Variants in PARM1 observed in about 807,000 individuals in gnomAD.
PARM1 encodes the protein WSC4, cell wall integrity and stress response component 4 homolog.
In PARM1, 14 loss-of-function variants were observed where a neutral mutation model predicts 24.6. That is an observed-to-expected ratio of 0.57 (90% CI 0.38 to 0.89). The LOEUF (loss-of-function observed/expected upper bound fraction) is 0.89. PARM1 is among the 40% of genes least tolerant of loss of function. The probability of loss-of-function intolerance (pLI) is 0.00; values close to 1 mark genes in which losing one functional copy is unlikely to be tolerated. For synonymous variants in PARM1, 179 were observed against 156.6 expected (o/e 1.14, Z -1.07); for missense variants, 362 against 380.4 (o/e 0.95, Z 0.40).
Position 75,012,661 on chromosome 4 carries a change from G to C in PARM1, c.280G>C (p.Gly94Arg). 6.2e-7 allele frequency: 1 copy of C among 1,613,986 alleles called. No individual in the cohort carries two copies. Among genetic ancestry groups the C allele is most frequent in the Non-Finnish European group, 8.5e-7 (1 of 1,179,882 alleles). Residue 94 changes from glycine (G) to arginine (R), a missense_variant, in exon 2 of 4, where the codon GGT becomes CGT. Gly to Arg is a moderately radical substitution (Grantham distance 125). Coordinates refer to ENST00000307428, the MANE Select transcript of PARM1 (RefSeq NM_015393.4). ...ESREEEITSP[G>R]SNWEGTNTDP... ...CAGAGAAGAGGAGATCACCAGCCCAGGTTCGAATTGGGAAGGCACAAACAC... is the reference window on the plus strand; with the variant it reads ...CAGAGAAGAGGAGATCACCAGCCCACGTTCGAATTGGGAAGGCACAAACAC...
intron 1 of PARM1, among the ~76,000 whole-genome samples, chr4:74,972,358 A>C (rs937043428): frequency 6.6e-6 from 1 of 152,204 alleles, no homozygotes; most frequent in Non-Finnish European, 1.5e-5. Context: ...ATATTCATTC[A>C]CTTAGTTTTG....
chr4:75,017,223 A>G (rs1366283314), intron 2 of PARM1, among the ~76,000 whole-genome samples: 3 of 152,272 alleles, frequency 2.0e-5, no homozygotes, highest in African/African-American at 7.2e-5. Flanking sequence ...AACTCAGAAC[A>G]GACTCCACTA....
At chr4:75,007,667 C>T (rs929637293) in intron 1 of PARM1, among the ~76,000 whole-genome samples, 9 of 152,038 alleles carry the variant, frequency 5.9e-5, no homozygotes, top group African/African-American at 1.9e-4. Flanking sequence ...TGCAGAGACA[C>T]GAGTTCTACA....
chr4:74,958,145 G>A (rs754637843), intron 1 of PARM1, among the ~76,000 whole-genome samples: 13 of 152,332 alleles, frequency 8.5e-5, no homozygotes, highest in Non-Finnish European at 1.3e-4. Flanking sequence ...CTAAAACTGC[G>A]TGTTCCAAGA....
chr4:75,026,239 A>G (rs1283049639), intron 2 of PARM1, among the ~76,000 whole-genome samples: 1 of 152,126 alleles, frequency 6.6e-6, no homozygotes, highest in Admixed American at 6.5e-5. Flanking sequence ...TTTGTGAATC[A>G]CTTACTTTGG....
chr4:74,958,712 C>T (rs1349833915), intron 1 of PARM1, among the ~76,000 whole-genome samples: 1 of 152,148 alleles, frequency 6.6e-6, no homozygotes. Flanking sequence ...GAATGTGGCT[C>T]TGAAGAACTT....
rs965726299 is a variant in PARM1 at position 75,047,927 on chromosome 4, T to G, written c.*1680T>G. On this transcript the variant is annotated 3_prime_UTR_variant, in exon 4 of 4. Coordinates refer to ENST00000307428, the MANE Select transcript of PARM1 (RefSeq NM_015393.4). The stretch of plus-strand genomic sequence containing the variant: ...CTCTGTCTTCTTGTAACAGCTGATA[T>G]TAGCAAGCAGCATCTTATGTCCTGA... 2 of 152,214 alleles carry G rather than the reference T, an allele frequency of 1.3e-5. No homozygotes were observed. Among genetic ancestry groups the G allele is most frequent in the African/African-American group, 4.8e-5 (2 of 41,462 alleles). The allele number at this position is 152,214 out of a possible 1,614,324, so 9.4% of individuals were successfully genotyped here. A position where few individuals can be genotyped will look rare whatever the true frequency, so the allele number is the denominator to read the frequency against.
At chr4:75,029,178 T>C (rs1723234233) in intron 2 of PARM1, among the ~76,000 whole-genome samples, 1 of 152,080 alleles carries the variant, frequency 6.6e-6, no homozygotes. Context: ...CCTCAGGGTA[T>C]AGAACAGAGC....
At chr4:74,961,272 T>A (rs1721768389) in intron 1 of PARM1, among the ~76,000 whole-genome samples, 1 of 151,382 alleles carries the variant, frequency 6.6e-6, no homozygotes, top group Non-Finnish European at 1.5e-5. Flanking sequence ...CAGAAAAAAA[T>A]ATCAAAGAAA....
intron 2 of PARM1, among the ~76,000 whole-genome samples, chr4:75,013,675 T>A (rs1722924456): frequency 6.6e-6 from 1 of 152,202 alleles, no homozygotes; most frequent in Admixed American, 6.5e-5. Context: ...TAAAGTAGTG[T>A]CTCCCTTTTG....
At chr4:74,955,795 A>G (rs1011859850) in intron 1 of PARM1, among the ~76,000 whole-genome samples, 3 of 152,232 alleles carry the variant, frequency 2.0e-5, no homozygotes, top group African/African-American at 4.8e-5. Context: ...GTCAGTAAAC[A>G]TAGAAGTCAG....
intron 1 of PARM1, 82 bp downstream of exon 1, chr4:74,933,452 G>C (rs995847365): frequency 3.2e-6 from 4 of 1,262,658 alleles, no homozygotes; most frequent in Non-Finnish European, 4.6e-6. Flanking sequence ...GAAGCTAGGA[G>C]ATCCGGCAGT....
At chr4:74,970,549 T>C (rs1430064849) in intron 1 of PARM1, among the ~76,000 whole-genome samples, 4 of 152,202 alleles carry the variant, frequency 2.6e-5, no homozygotes, top group African/African-American at 9.6e-5. Context: ...CTCTCTCCCA[T>C]ATTCCAGTAA....
chr4:74,954,798 C>G (rs1441795454), intron 1 of PARM1, among the ~76,000 whole-genome samples: 1 of 152,162 alleles, frequency 6.6e-6, no homozygotes, highest in Admixed American at 6.5e-5. Flanking sequence ...ATTGTTTATG[C>G]ATTTTCTTGA....
intron 2 of PARM1, among the ~76,000 whole-genome samples, chr4:75,026,363 A>G (rs1257686369): frequency 1.3e-5 from 2 of 152,236 alleles, no homozygotes; most frequent in African/African-American, 4.8e-5. Context: ...TGTATTTCAT[A>G]TATCTATGTC....
At chr4:75,029,351 G>T (rs1723237004) in intron 2 of PARM1, among the ~76,000 whole-genome samples, 1 of 152,136 alleles carries the variant, frequency 6.6e-6, no homozygotes, top group Non-Finnish European at 1.5e-5. Context: ...TTGGCTGTGT[G>T]TCCCCACCCA....
chr4:75,024,081 C>CTAACACGG (rs997339856), intron 2 of PARM1, among the ~76,000 whole-genome samples: 11 of 152,054 alleles, frequency 7.2e-5, no homozygotes, highest in Admixed American at 7.2e-4. Context: ...ACCATCCTGG[C>CTAACACGG]TAACACGGTG....
At chr4:74,938,067 A>G (rs995015586) in intron 1 of PARM1, among the ~76,000 whole-genome samples, 5 of 152,220 alleles carry the variant, frequency 3.3e-5, no homozygotes, top group Admixed American at 6.5e-5. Flanking sequence ...ATTCAGATTA[A>G]TAACTTAGGA....
chr4:74,946,031 T>A (rs907608492), intron 1 of PARM1, among the ~76,000 whole-genome samples: 26 of 152,304 alleles, frequency 1.7e-4, no homozygotes, highest in African/African-American at 5.8e-4. Flanking sequence ...GTCGCATTTT[T>A]AAATTTTTAG....
Sources: allele counts gnomAD v4.1 joint callset (sites outside exome capture counted in the v4.1 genomes callset), GRCh38; gene constraint gnomAD v4.1.1; transcripts MANE v1.5; gene names NCBI Gene and HGNC (gene_info 2026-07-23, HGNC 2026-07-21).